PPFIA2: variants seen among roughly 807,000 people sequenced by gnomAD.
PPFIA2 encodes liprin-alpha-2.
In PPFIA2, 46 loss-of-function variants were observed where a neutral mutation model predicts 175.5. The ratio of observed to expected loss-of-function variants is 0.26; its 90% CI spans 0.21 to 0.34. The LOEUF is 0.34. PPFIA2 is among the 10% of genes least tolerant of loss of function. PPFIA2 has a pLI of 1.00. For missense variants in PPFIA2, 1,179 were observed against 1,506.1 expected (o/e 0.78, Z 3.60); for synonymous variants, 568 against 511.4 (o/e 1.11, Z -1.49).
intron 4 of PPFIA2, among the ~76,000 whole-genome samples, chr12:81,555,512 C>A (rs900094712): frequency 1.3e-5 from 2 of 151,914 alleles, no homozygotes; most frequent in Non-Finnish European, 2.9e-5. Context: ...TTCTGCAATT[C>A]TTGAAATTGA....
intron 4 of PPFIA2, among the ~76,000 whole-genome samples, chr12:81,650,410 G>A (rs2066861466): frequency 6.6e-6 from 1 of 151,988 alleles, no homozygotes. Flanking sequence ...TCTTTAACAT[G>A]CCTTCTTTCT....
At chr12:81,270,881 T>A (rs905296841) in intron 28 of PPFIA2, 4 of 152,234 alleles carry the variant, frequency 2.6e-5, no homozygotes, top group East Asian at 3.8e-4. Flanking sequence ...ATATTTTAAA[T>A]CTACATATTA....
At chr12:81,377,851 TC>T (rs1289711595) in intron 9 of PPFIA2, among the ~76,000 whole-genome samples, 1 of 151,986 alleles carries the variant, frequency 6.6e-6, no homozygotes, top group Admixed American at 6.6e-5. Context: ...GCTAATAACA[TC>T]CCCCCAAAAT....
At chr12:81,528,403 C>T (rs2064011804) in intron 4 of PPFIA2, among the ~76,000 whole-genome samples, 1 of 152,146 alleles carries the variant, frequency 6.6e-6, no homozygotes, top group Middle Eastern at 3.4e-3. Flanking sequence ...TATCCGTACG[C>T]ACTTTATATA....
At chr12:81,273,582 G>C (rs2039727634) in intron 28 of PPFIA2, among the ~76,000 whole-genome samples, 1 of 152,108 alleles carries the variant, frequency 6.6e-6, no homozygotes, top group Non-Finnish European at 1.5e-5. Context: ...CTTCAAATTA[G>C]TTGGTGTCCT....
chr12:81,538,039 C>T (rs530866595), intron 4 of PPFIA2, among the ~76,000 whole-genome samples: 1 of 151,832 alleles, frequency 6.6e-6, no homozygotes, highest in Non-Finnish European at 1.5e-5. Flanking sequence ...TAGCAAACCT[C>T]ACAGTATAGT....
chr12:81,515,064 C>T (rs953679097), intron 4 of PPFIA2, among the ~76,000 whole-genome samples: 6 of 151,674 alleles, frequency 4.0e-5, no homozygotes, highest in Non-Finnish European at 7.4e-5. Context: ...CTGGCATTGC[C>T]GTGAATTTTA....
At chr12:81,369,877 C>T (rs953345985) in intron 11 of PPFIA2, among the ~76,000 whole-genome samples, 1 of 151,644 alleles carries the variant, frequency 6.6e-6, no homozygotes, top group Non-Finnish European at 1.5e-5. Context: ...ATTTGGTGAA[C>T]ACGATGCAGT....
chr12:81,452,879 A>G (rs2052866701), intron 5 of PPFIA2, among the ~76,000 whole-genome samples: 1 of 152,174 alleles, frequency 6.6e-6, no homozygotes, highest in Admixed American at 6.5e-5. Context: ...TTTTAAGTTT[A>G]TGATCCATGA....
intron 4 of PPFIA2, among the ~76,000 whole-genome samples, chr12:81,604,190 A>G (rs2060064821): frequency 6.6e-6 from 1 of 151,786 alleles, no homozygotes; most frequent in Non-Finnish European, 1.5e-5. Context: ...TGACCATGGC[A>G]AAAGCAGGAG....
intron 4 of PPFIA2, among the ~76,000 whole-genome samples, chr12:81,651,085 G>C (rs1438253190): frequency 1.3e-5 from 2 of 152,158 alleles, no homozygotes; most frequent in Non-Finnish European, 1.5e-5. Context: ...ACTGTAGTAG[G>C]AGATATAATG....
chr12:81,647,836 TATATA>T (rs1411639312), intron 4 of PPFIA2, among the ~76,000 whole-genome samples: 15 of 140,830 alleles, frequency 1.1e-4, no homozygotes, highest in South Asian at 4.3e-4. Flanking sequence ...GTATATATAA[TATATA>T]ATATAATATA....
chr12:81,525,882 A>G (rs559192716), intron 4 of PPFIA2, among the ~76,000 whole-genome samples: 1 of 152,284 alleles, frequency 6.6e-6, no homozygotes, highest in African/African-American at 2.4e-5. Flanking sequence ...ATCAGAACAT[A>G]TTTTATTTTT....
intron 20 of PPFIA2, 62 bp downstream of exon 20, chr12:81,341,016 A>G: frequency 6.8e-7 from 1 of 1,463,144 alleles, no homozygotes; most frequent in Non-Finnish European, 9.3e-7. Flanking sequence ...GACAACAACG[A>G]AGGAAGAGGA....
At chr12:81,377,476 C>T (rs1456036127) in intron 9 of PPFIA2, among the ~76,000 whole-genome samples, 2 of 151,832 alleles carry the variant, frequency 1.3e-5, no homozygotes, top group Non-Finnish European at 2.9e-5. Flanking sequence ...TCGCTTGAAC[C>T]TGGGAGGTGG....
At chr12:81,666,416 G>A (rs1435858676) in intron 4 of PPFIA2, among the ~76,000 whole-genome samples, 1 of 152,124 alleles carries the variant, frequency 6.6e-6, no homozygotes, top group East Asian at 1.9e-4. Context: ...ATACACCATG[G>A]AATATTATGC....
Position 81,353,159 on chromosome 12 carries a change from T to A in PPFIA2, c.1954A>T (p.Met652Leu). The change falls in exon 17 of 33, where the codon ATG (methionine) becomes TTG (leucine). Residue 652 changes from methionine (M) to leucine (L), a missense_variant. This residue lies in a region of PPFIA2 where 11 missense variants were observed against 31.9 expected (regional missense o/e 0.35). Coordinates refer to ENST00000549396, the MANE Select transcript of PPFIA2 (RefSeq NM_003625.5). ...GHSDAQTLAM[M>L]LQEQLDAINK... ...ATGGCATCCAATTGTTCCTGAAGCA[T>A]CATGGCTAGCGTCTGGGCATCGGAA... 1 of 1,613,844 alleles carries A rather than the reference T, an allele frequency of 6.2e-7. No individual in the cohort carries two copies. The highest frequency in any genetic ancestry group is 8.5e-7 in the Non-Finnish European group (1 of 1,179,804).
intron 22 of PPFIA2, among the ~76,000 whole-genome samples, chr12:81,305,324 G>A (rs2048887359): frequency 6.6e-6 from 1 of 152,042 alleles, no homozygotes; most frequent in South Asian, 2.1e-4. Flanking sequence ...CATTGTGTGT[G>A]CTACCATCAG....
intron 28 of PPFIA2, among the ~76,000 whole-genome samples, chr12:81,274,479 T>A (rs1273142820): frequency 6.6e-6 from 1 of 152,154 alleles, no homozygotes; most frequent in Non-Finnish European, 1.5e-5. Flanking sequence ...AAATAAAGCA[T>A]TAATTCAAAC....
Sources: allele counts gnomAD v4.1 joint callset (sites outside exome capture counted in the v4.1 genomes callset), GRCh38; gene constraint gnomAD v4.1.1; regional missense constraint gnomAD v4.1.1; transcripts MANE v1.5; gene names NCBI Gene and HGNC (gene_info 2026-07-23, HGNC 2026-07-21).